The following GRM7 variants were observed in gnomAD, a reference collection of about 807,000 sequenced individuals.
GRM7 encodes metabotropic glutamate receptor 7.
GRM7 carries 35 observed loss-of-function variants against 84.5 expected under a neutral mutation model. The observed-to-expected ratio is 0.41, with a 90% confidence interval of 0.32 to 0.55. The LOEUF (loss-of-function observed/expected upper bound fraction) is 0.55, where lower values mean the gene tolerates loss of function less well. GRM7 is among the 20% of genes least tolerant of loss of function. GRM7 has a pLI of 0.19. For missense variants in GRM7, 1,003 were observed against 1,194.6 expected (o/e 0.84, Z 2.36); for synonymous variants, 487 against 455.1 (o/e 1.07, Z -0.89).
At chr3:7,224,980 A>G (rs578171441) in intron 2 of GRM7, among the ~76,000 whole-genome samples, 1 of 152,236 alleles carries the variant, frequency 6.6e-6, no homozygotes, top group South Asian at 2.1e-4. Context: ...AGAATTGTTA[A>G]TATTTTTTCT....
At chr3:7,390,838 T>A (rs1268536483) in intron 4 of GRM7, among the ~76,000 whole-genome samples, 1 of 152,150 alleles carries the variant, frequency 6.6e-6, no homozygotes, top group Non-Finnish European at 1.5e-5. Context: ...AAGTTCTATA[T>A]CTGTCATTCC....
chr3:6,907,478 T>A (rs1696623667), intron 1 of GRM7, among the ~76,000 whole-genome samples: 2 of 152,120 alleles, frequency 1.3e-5, no homozygotes, highest in Admixed American at 1.3e-4. Flanking sequence ...AGGTCTAAAA[T>A]CAAAGAACTA....
chr3:7,579,305 T>C lies in GRM7; in HGVS notation c.2399T>C (p.Val800Ala). 2 of 1,595,508 alleles carry C rather than the reference T, an allele frequency of 1.3e-6. No individual in the cohort carries two copies. Among genetic ancestry groups the C allele is most frequent in the Non-Finnish European group, 1.7e-6 (2 of 1,168,864 alleles). Residue 800 changes from valine to alanine, a missense_variant, in exon 8 of 10, where the codon GTA becomes GCA. Physicochemically the swap from Val to Ala is moderately conservative, Grantham distance 64. Around this residue, in one of 2 missense-constraint regions of GRM7, gnomAD observed 910 missense variants for 1,126.0 expected, o/e 0.81. Coordinates refer to ENST00000357716, the MANE Select transcript of GRM7 (RefSeq NM_000844.4). Reference sequence around the variant, plus strand: ...TTCACTATGTACACGACATGTATAGTATGGCTTGCCTTCATTCCAATTTTT... The same window carrying C: ...TTCACTATGTACACGACATGTATAGCATGGCTTGCCTTCATTCCAATTTTT... Reference protein sequence around the residue: ...IGFTMYTTCIVWLAFIPIFFG... With the variant: ...IGFTMYTTCIAWLAFIPIFFG...
intron 4 of GRM7, chr3:7,403,136 T>A: frequency 2.2e-6 from 1 of 446,018 alleles, no homozygotes; most frequent in Non-Finnish European, 4.5e-6. Flanking sequence ...AATAATTTTC[T>A]GACAAGTTTG....
At chr3:7,285,422 T>C (rs1699396255) in intron 2 of GRM7, among the ~76,000 whole-genome samples, 1 of 152,144 alleles carries the variant, frequency 6.6e-6, no homozygotes. Flanking sequence ...TTATCGTGTG[T>C]TTTATTGAAT....
At chr3:7,334,965 G>A (rs111483231) in intron 4 of GRM7, among the ~76,000 whole-genome samples, 5,966 of 152,132 alleles carry the variant, frequency 0.039, 249 homozygotes, top group African/African-American at 0.11. Flanking sequence ...ATTAATTGTG[G>A]GGGACTTCAG....
intron 1 of GRM7, among the ~76,000 whole-genome samples, chr3:6,942,593 A>T (rs1017576691): frequency 6.6e-6 from 1 of 152,054 alleles, no homozygotes; most frequent in Admixed American, 6.6e-5. Flanking sequence ...ATTCTATTCC[A>T]TTGTATAGTT....
At chr3:7,647,186 C>A (rs1162232122) in intron 8 of GRM7, among the ~76,000 whole-genome samples, 1 of 152,166 alleles carries the variant, frequency 6.6e-6, no homozygotes, top group Non-Finnish European at 1.5e-5. Flanking sequence ...GCCTGGAAAA[C>A]CTCTTTTTCC....
At chr3:7,313,743 T>A (rs557366290) in intron 4 of GRM7, among the ~76,000 whole-genome samples, 7 of 152,274 alleles carry the variant, frequency 4.6e-5, no homozygotes, top group African/African-American at 7.2e-5. Context: ...TTTTGGTAAA[T>A]TTCTATTATA....
At chr3:7,222,715 T>A (rs1294962420) in intron 2 of GRM7, among the ~76,000 whole-genome samples, 4 of 152,192 alleles carry the variant, frequency 2.6e-5, no homozygotes, top group Non-Finnish European at 4.4e-5. Flanking sequence ...CAGCAAGAAA[T>A]TAATTTAAAA....
intron 5 of GRM7, among the ~76,000 whole-genome samples, chr3:7,434,967 T>G (rs967194815): frequency 2.0e-5 from 3 of 152,168 alleles, no homozygotes; most frequent in Admixed American, 2.0e-4. Context: ...TATATTCAAT[T>G]TATTTAACAT....
intron 2 of GRM7, among the ~76,000 whole-genome samples, chr3:7,271,649 C>T (rs115311139): frequency 6.6e-6 from 1 of 151,816 alleles, no homozygotes; most frequent in Non-Finnish European, 1.5e-5. Flanking sequence ...TTAACAAGGT[C>T]CCTAGCTGAT....
chr3:7,446,587 G>A (rs1390730058), intron 5 of GRM7, among the ~76,000 whole-genome samples: 3 of 150,782 alleles, frequency 2.0e-5, no homozygotes, highest in Non-Finnish European at 4.4e-5. Flanking sequence ...TCAGCCTCTC[G>A]AGTAGCTGGG....
intron 1 of GRM7, among the ~76,000 whole-genome samples, chr3:6,985,621 A>C (rs982105788): frequency 6.6e-6 from 1 of 152,204 alleles, no homozygotes; most frequent in Non-Finnish European, 1.5e-5. Context: ...CCAACGTCAC[A>C]TGGCTAATAT....
chr3:7,134,944 C>A (rs185496576), intron 1 of GRM7, among the ~76,000 whole-genome samples: 1 of 152,268 alleles, frequency 6.6e-6, no homozygotes, highest in East Asian at 1.9e-4. Context: ...GCGATCCACA[C>A]ACAAAACTAC....
At chr3:7,444,255 G>C (rs975046837) in intron 5 of GRM7, among the ~76,000 whole-genome samples, 8 of 152,158 alleles carry the variant, frequency 5.3e-5, no homozygotes, top group South Asian at 4.1e-4. Context: ...TGAGGAATGA[G>C]CTAAGAGGAC....
intron 7 of GRM7, among the ~76,000 whole-genome samples, chr3:7,574,178 G>A (rs957646963): frequency 1.5e-4 from 12 of 77,674 alleles, no homozygotes; most frequent in African/African-American, 6.0e-4. Context: ...TTTTTTTTTT[G>A]AGATGGAGTT....
At chr3:6,910,957 T>C (rs1190830760) in intron 1 of GRM7, among the ~76,000 whole-genome samples, 2 of 152,108 alleles carry the variant, frequency 1.3e-5, no homozygotes, top group Non-Finnish European at 2.9e-5. Context: ...AGTACAAATA[T>C]TTGTATCTAC....
In GRM7 at chr3:7,651,850, G is replaced by T. The variant is rs79682636; in HGVS notation, c.2452-28199G>T. Among the ~76,000 whole-genome samples, 143 of 152,304 alleles carry T rather than the reference G, an allele frequency of 9.4e-4. 1 individual carries two copies. The East Asian group carries it at 0.023, about 25-fold the overall frequency. On this transcript the variant is annotated intron_variant, in intron 8 of 9. Transcript: ENST00000357716. ...GCTCCAGCCAGCAGGAGAAAGATTG[G>T]AGGTGGGGAGTGGAATTTCTTCCTT...
Sources: allele counts gnomAD v4.1 joint callset (sites outside exome capture counted in the v4.1 genomes callset), GRCh38; gene constraint gnomAD v4.1.1; regional missense constraint gnomAD v4.1.1; transcripts MANE v1.5; gene names NCBI Gene and HGNC (gene_info 2026-07-23, HGNC 2026-07-21).